GPC6: variants seen among roughly 807,000 people sequenced by gnomAD.
GPC6 encodes glypican-6.
Under a neutral mutation model 55.2 loss-of-function variants are expected in GPC6, and 14 were observed. The ratio of observed to expected loss-of-function variants is 0.25; its 90% confidence interval spans 0.17 to 0.40. The LOEUF is 0.40. Ranked by LOEUF, GPC6 falls within the 10% of genes least tolerant of loss-of-function variation. GPC6 has a pLI of 1.00. For synonymous variants in GPC6, 278 were observed against 259.6 expected, an observed-to-expected ratio of 1.07 and a Z score of -0.68; for missense variants, 641 against 708.5, an observed-to-expected ratio of 0.90 and a Z score of 1.08.
intron 2 of GPC6, among the ~76,000 whole-genome samples, chr13:93,587,841 A>G (rs1877277304): frequency 1.3e-5 from 2 of 152,212 alleles, no homozygotes; most frequent in Admixed American, 6.5e-5. Flanking sequence ...TTAGGAGTTT[A>G]GGGAACACAT....
intron 4 of GPC6, among the ~76,000 whole-genome samples, chr13:94,195,416 G>A (rs934908568): frequency 6.6e-6 from 1 of 152,160 alleles, no homozygotes; most frequent in Non-Finnish European, 1.5e-5. Flanking sequence ...CCATACAAAA[G>A]CATGTATTAT....
chr13:93,377,338 G>A (rs1158109879), intron 1 of GPC6, among the ~76,000 whole-genome samples: 1 of 152,174 alleles, frequency 6.6e-6, no homozygotes, highest in East Asian at 1.9e-4. Context: ...TCTACATCTT[G>A]GAGACGAGAC....
chr13:93,357,663 G>T (rs554992960), intron 1 of GPC6, among the ~76,000 whole-genome samples: 1 of 151,332 alleles, frequency 6.6e-6, no homozygotes, highest in Non-Finnish European at 1.5e-5. Context: ...ACATGACAAA[G>T]ACCCCATCTT....
chr13:94,286,547 GTAACTAGATA>G, intron 5 of GPC6, 68 bp downstream of exon 5: 1 of 1,387,690 alleles, frequency 7.2e-7, no homozygotes. Flanking sequence ...TAAAAACGAA[GTAACTAGATA>G]TGTCGGCTGG....
Position 94,289,345 on chromosome 13 carries a change from G to C in GPC6, c.1008+2866G>C, listed in dbSNP as rs1874816630. On this transcript the variant is annotated intron_variant, in intron 5 of 8. Transcript: ENST00000377047. ...CTGCATGGCTGGTCATTTCACTCCT[G>C]CACCCTGCTTTCTTAGTGGAGTTAC... Among the ~76,000 whole-genome samples, 4 of 152,082 alleles carry C rather than the reference G, an allele frequency of 2.6e-5. No homozygotes were observed. The South Asian group carries it at 8.3e-4, about 32-fold the overall frequency.
chr13:94,213,406 G>T (rs1890140501), intron 4 of GPC6, among the ~76,000 whole-genome samples: 1 of 152,186 alleles, frequency 6.6e-6, no homozygotes, highest in African/African-American at 2.4e-5. Flanking sequence ...GCTTCTGTCA[G>T]TTAGCTTTTG....
chr13:94,340,591 A>C (rs145878318), intron 6 of GPC6, among the ~76,000 whole-genome samples: 1 of 152,334 alleles, frequency 6.6e-6, no homozygotes, highest in African/African-American at 2.4e-5. Flanking sequence ...ATGTGTATAC[A>C]TGATGTGTAA....
chr13:94,260,130 T>TATTC (rs1341765927), intron 4 of GPC6, among the ~76,000 whole-genome samples: 1 of 152,226 alleles, frequency 6.6e-6, no homozygotes, highest in African/African-American at 2.4e-5. Flanking sequence ...TGTAAAGTAC[T>TATTC]GAATATAGAG....
At chr13:93,623,511 T>C (rs909631579) in intron 2 of GPC6, among the ~76,000 whole-genome samples, 3 of 143,618 alleles carry the variant, frequency 2.1e-5, no homozygotes, top group African/African-American at 7.7e-5. Flanking sequence ...CAGGCTGGAG[T>C]GCAGTGGTGC....
intron 2 of GPC6, among the ~76,000 whole-genome samples, chr13:93,663,299 T>A (rs1257385264): frequency 6.6e-6 from 1 of 152,122 alleles, no homozygotes; most frequent in Non-Finnish European, 1.5e-5. Context: ...TGGAATCACA[T>A]ATAGCCCATA....
rs552989782 is a variant in GPC6 at position 93,699,383 on chromosome 13, A to G, written c.320-130771A>G. On this transcript the variant is annotated intron_variant, in intron 2 of 8. Coordinates refer to ENST00000377047, the MANE Select transcript of GPC6 (RefSeq NM_005708.5). ...GATGGCTTTCAATTTAGGGAAGGGT[A>G]AAGGGAAGTGGAGTGGAGGAGTGTG... is the stretch of plus-strand genomic sequence containing the variant. Among the ~76,000 whole-genome samples, 232 of 152,232 alleles carry G rather than the reference A, an allele frequency of 1.5e-3. 1 individual carries two copies. Among genetic ancestry groups the G allele is most frequent in the African/African-American group, 5.4e-3 (223 of 41,558 alleles).
chr13:93,830,418 A>C lies in GPC6; in HGVS notation c.584A>C (p.Asp195Ala), dbSNP rs763133725. 12 of 1,613,934 alleles carry C rather than the reference A, an allele frequency of 7.4e-6. No individual in the cohort carries two copies. Among genetic ancestry groups the C allele is most frequent in the Non-Finnish European group, 1.0e-5 (12 of 1,179,958 alleles). The part of the protein sequence containing the change: ...DYLECVSKYT[D>A]QLKPFGDVPR... ...CTGGAATGTGTGAGCAAATACACTG[A>C]CCAGCTCAAGCCATTTGGAGACGTG... is the stretch of plus-strand genomic sequence containing the variant. The change falls in exon 3 of 9, where the codon GAC (aspartate) becomes GCC (alanine). Residue 195 changes from aspartate to alanine, a missense_variant. Physicochemically the swap from Asp to Ala is moderately radical, Grantham distance 126. Transcript: ENST00000377047.
rs565561754 is a variant in GPC6 at position 94,141,796 on chromosome 13, C to T, written c.877+113902C>T. On this transcript the variant is annotated intron_variant, in intron 4 of 8. Coordinates refer to ENST00000377047, the MANE Select transcript of GPC6 (RefSeq NM_005708.5). ...AAGACTCAGTTTCATTGAGAATATG[C>T]ACTGAATAACCAAAGGAATAGATGT... 2.6e-4 allele frequency among the ~76,000 whole-genome samples: 39 copies of T among 152,242 alleles called. No individual in the cohort carries two copies. The South Asian group carries it at 8.1e-3, about 32-fold the overall frequency.
At chr13:93,237,433 C>G (rs113699480) in intron 1 of GPC6, among the ~76,000 whole-genome samples, 4,614 of 152,000 alleles carry the variant, frequency 0.03, 229 homozygotes, top group African/African-American at 0.11. Flanking sequence ...TTTATTCTTG[C>G]TGACTTGTTT....
chr13:93,951,042 T>A (rs2140372659), intron 3 of GPC6, among the ~76,000 whole-genome samples: 1 of 152,238 alleles, frequency 6.6e-6, no homozygotes, highest in East Asian at 1.9e-4. Context: ...TAACAAAAAA[T>A]TTCACAAATA....
chr13:94,269,314 G>A (rs945994857), intron 4 of GPC6, among the ~76,000 whole-genome samples: 1 of 152,120 alleles, frequency 6.6e-6, no homozygotes, highest in Non-Finnish European at 1.5e-5. Flanking sequence ...TGTCCCCATG[G>A]TTAAAGTCCT....
chr13:93,528,380 G>T (rs552702133), intron 1 of GPC6, among the ~76,000 whole-genome samples: 110 of 152,262 alleles, frequency 7.2e-4, no homozygotes, highest in Middle Eastern at 6.8e-3. Flanking sequence ...ATAGATGGTA[G>T]TTGGTTTGAT....
intron 2 of GPC6, among the ~76,000 whole-genome samples, chr13:93,618,429 C>G (rs1027761587): frequency 1.1e-4 from 17 of 152,190 alleles, no homozygotes; most frequent in African/African-American, 3.6e-4. Flanking sequence ...ATACTCATCT[C>G]AATCAGAATC....
chr13:93,636,055 C>A (rs1879679571), intron 2 of GPC6, among the ~76,000 whole-genome samples: 1 of 151,882 alleles, frequency 6.6e-6, no homozygotes, highest in Admixed American at 6.6e-5. Context: ...TGACATATTC[C>A]TAGGATAGAA....
Sources: allele counts gnomAD v4.1 joint callset (sites outside exome capture counted in the v4.1 genomes callset), GRCh38; gene constraint gnomAD v4.1.1; transcripts MANE v1.5; gene names NCBI Gene and HGNC (gene_info 2026-07-23, HGNC 2026-07-21).